CHN2: variants seen among roughly 807,000 people sequenced by gnomAD.
CHN2 encodes chimerin 2.
CHN2 carries 35 observed loss-of-function variants against 56.3 expected under a neutral mutation model. The ratio of observed to expected loss-of-function variants is 0.62; its 90% CI spans 0.47 to 0.82. CHN2 has a LOEUF of 0.82. Among genes scored for constraint, CHN2 ranks in the 40% least tolerant of loss-of-function variants. The probability of loss-of-function intolerance (pLI) is 0.00; values close to 1 mark genes in which losing one functional copy is unlikely to be tolerated. For missense variants in CHN2, 491 were observed against 580.5 expected, an observed-to-expected ratio of 0.85 and a Z score of 1.58; for synonymous variants, 210 against 212.8, an observed-to-expected ratio of 0.99 and a Z score of 0.12.
At chr7:29,489,432 A>G (rs1788404826) in intron 7 of CHN2, among the ~76,000 whole-genome samples, 2 of 152,360 alleles carry the variant, frequency 1.3e-5, no homozygotes. Context: ...AAAGCCGACC[A>G]GTGAATTTTA....
intron 1 of CHN2, chr7:29,212,324 G>T: frequency 7.3e-7 from 1 of 1,368,110 alleles, no homozygotes; most frequent in Non-Finnish European, 1.0e-6. Context: ...TGGCTTGTCT[G>T]CAAAGCTTGC....
chr7:29,444,192 A>G (rs1170860933), intron 6 of CHN2, among the ~76,000 whole-genome samples: 1 of 152,248 alleles, frequency 6.6e-6, no homozygotes, highest in Non-Finnish European at 1.5e-5. Flanking sequence ...CTATATATGC[A>G]TACCTTTTTT....
chr7:29,249,712 A>T (rs934014686), intron 1 of CHN2, among the ~76,000 whole-genome samples: 1 of 152,200 alleles, frequency 6.6e-6, no homozygotes, highest in African/African-American at 2.4e-5. Flanking sequence ...GCTTCCAGGA[A>T]AGCAACTTAA....
At chr7:29,149,911 C>T (rs913590950) in intron 2 of CHN2, among the ~76,000 whole-genome samples, 17 of 152,318 alleles carry the variant, frequency 1.1e-4, no homozygotes, top group Non-Finnish European at 2.1e-4. Context: ...ACTCTAATGA[C>T]CTCATTTTAG....
At position 29,398,392 on chromosome 7, in the gene CHN2, C is replaced by T. The variant is rs895621580; in HGVS notation, c.196C>T (p.Arg66Trp). The change falls in exon 5 of 13, where the codon CGG (arginine) becomes TGG (tryptophan). Residue 66 changes from arginine (R) to tryptophan (W), a missense_variant. Transcript: ENST00000222792. ...YGREFHGIIS[R>W]EQADELLGGV... ...CTTCAGGTTTCATGGGATCATCTCT[C>T]GGGAGCAGGCGGATGAGCTTCTTGG... 3.1e-6 allele frequency: 5 copies of T among 1,613,112 alleles called. No homozygotes were observed. Among genetic ancestry groups the T allele is most frequent in the South Asian group, 1.1e-5 (1 of 91,066 alleles).
At chr7:29,250,138 A>G (rs1343792235) in intron 1 of CHN2, among the ~76,000 whole-genome samples, 1 of 152,234 alleles carries the variant, frequency 6.6e-6, no homozygotes, top group African/African-American at 2.4e-5. Flanking sequence ...ATTTCTATTA[A>G]CAGGCATAAT....
At chr7:29,269,221 C>T (rs1177713701) in intron 1 of CHN2, among the ~76,000 whole-genome samples, 2 of 152,196 alleles carry the variant, frequency 1.3e-5, no homozygotes, top group African/African-American at 2.4e-5. Context: ...CTCTGCCAGC[C>T]TCTGGCAACC....
intron 1 of CHN2, among the ~76,000 whole-genome samples, chr7:29,281,407 G>A (rs1202631711): frequency 6.6e-6 from 1 of 152,146 alleles, no homozygotes; most frequent in Admixed American, 6.5e-5. Context: ...CACTTAGGTT[G>A]TTTTCAATAT....
At position 29,308,406 on chromosome 7, in the gene CHN2, T is replaced by C. The variant is rs902035802; in HGVS notation, c.50-46219T>C. On this transcript the variant is annotated intron_variant, in intron 1 of 12. Coordinates refer to ENST00000222792, the MANE Select transcript of CHN2 (RefSeq NM_004067.4). The stretch of plus-strand genomic sequence containing the variant: ...TGCTATCACTTACAACCCAATATCC[T>C]AGTGGTTTAAAACAATAAAGCACGT... Among the ~76,000 whole-genome samples, 5 of 152,202 alleles carry C rather than the reference T, an allele frequency of 3.3e-5. No homozygotes were observed. In the South Asian group the frequency reaches 8.3e-4, roughly 25 times the overall value.
chr7:29,262,058 C>A (rs1789597652), intron 1 of CHN2, among the ~76,000 whole-genome samples: 1 of 152,056 alleles, frequency 6.6e-6, no homozygotes, highest in Non-Finnish European at 1.5e-5. Context: ...ATCCCAGCTA[C>A]TCGGGAGGCT....
intron 6 of CHN2, among the ~76,000 whole-genome samples, chr7:29,420,348 T>C (rs1225847263): frequency 6.6e-6 from 1 of 152,202 alleles, no homozygotes; most frequent in Non-Finnish European, 1.5e-5. Flanking sequence ...TTATTCTCAA[T>C]AGCCAAGAGG....
chr7:29,432,546 A>G (rs953250140), intron 6 of CHN2, among the ~76,000 whole-genome samples: 11 of 152,172 alleles, frequency 7.2e-5, no homozygotes, highest in Non-Finnish European at 1.3e-4. Context: ...AATCTATACT[A>G]TACTCGCCTA....
chr7:29,456,210 G>A (rs1784740519), intron 6 of CHN2, among the ~76,000 whole-genome samples: 1 of 152,132 alleles, frequency 6.6e-6, no homozygotes. Context: ...CTGCTCCTCT[G>A]AACGTATTGC....
intron 1 of CHN2, among the ~76,000 whole-genome samples, chr7:29,305,732 G>C (rs912544290): frequency 6.7e-6 from 1 of 148,876 alleles, no homozygotes; most frequent in African/African-American, 2.5e-5. Context: ...TTCTGAAAAA[G>C]AATGTGCATC....
chr7:29,407,598 T>C (rs1802772048), intron 6 of CHN2, among the ~76,000 whole-genome samples: 3 of 152,072 alleles, frequency 2.0e-5, no homozygotes, highest in African/African-American at 7.2e-5. Flanking sequence ...GATTCAAGGG[T>C]AAATGAAGAT....
intron 1 of CHN2, among the ~76,000 whole-genome samples, chr7:29,272,627 T>C (rs1208726762): frequency 2.0e-5 from 3 of 152,180 alleles, no homozygotes; most frequent in Non-Finnish European, 2.9e-5. Flanking sequence ...GGTTTTCAGA[T>C]TTTTGGGGCT....
At position 29,407,746 on chromosome 7, in the gene CHN2, T is replaced by C. The variant is rs147049889; in HGVS notation, c.576+6918T>C. Reference sequence around the variant, plus strand: ...TGGATTTAACTTAGATTACATCCGCTCATGAGACTGGGTTTTGCCAAGCAT... The same window carrying C: ...TGGATTTAACTTAGATTACATCCGCCCATGAGACTGGGTTTTGCCAAGCAT... On this transcript the variant is annotated intron_variant, in intron 6 of 12. Transcript: ENST00000222792. 4.1e-3 allele frequency among the ~76,000 whole-genome samples: 622 copies of C among 152,340 alleles called. 7 individuals are homozygous for C. Among genetic ancestry groups the C allele is most frequent in the African/African-American group, 0.014 (573 of 41,586 alleles).
At chr7:29,277,278 A>G (rs1384205872) in intron 1 of CHN2, among the ~76,000 whole-genome samples, 1 of 152,204 alleles carries the variant, frequency 6.6e-6, no homozygotes, top group Non-Finnish European at 1.5e-5. Flanking sequence ...GAGCATCTCT[A>G]GGGGCCAGAT....
At chr7:29,183,951 T>C (rs1048219097) in intron 2 of CHN2, among the ~76,000 whole-genome samples, 2 of 152,088 alleles carry the variant, frequency 1.3e-5, no homozygotes, top group Non-Finnish European at 2.9e-5. Context: ...TTACATAGCA[T>C]TTACATAGTA....
Sources: gnomAD v4.1 joint callset for allele counts (sites outside exome capture counted in the v4.1 genomes callset) on GRCh38, gnomAD v4.1.1 for gene constraint, MANE v1.5 for transcripts, NCBI Gene and HGNC (gene_info 2026-07-23, HGNC 2026-07-21) for gene names.